SH3RF2: variants seen among roughly 807,000 people sequenced by gnomAD.
SH3RF2 encodes the protein SH3 domain containing ring finger 2.
SH3RF2 carries 43 observed loss-of-function variants against 59.0 expected under a neutral mutation model. The observed-to-expected ratio is 0.73, with a 90% CI of 0.57 to 0.94. The LOEUF is 0.94. SH3RF2 is among the 40% of genes least tolerant of loss of function. SH3RF2 has a pLI of 0.00. For synonymous variants in SH3RF2, 391 were observed against 391.5 expected (o/e 1.00, Z 0.01); for missense variants, 930 against 940.1 (o/e 0.99, Z 0.14).
At chr5:146,031,840 T>C (rs533556212) in intron 5 of SH3RF2, among the ~76,000 whole-genome samples, 1 of 152,250 alleles carries the variant, frequency 6.6e-6, no homozygotes, top group South Asian at 2.1e-4. Context: ...TAGCCTCCCA[T>C]ATATGGAAAA....
chr5:146,013,774 G>A lies in SH3RF2; in HGVS notation c.772G>A (p.Glu258Lys), dbSNP rs774393453. Residue 258 changes from glutamate (E) to lysine (K), a missense_variant, in exon 5 of 10, where the codon GAG becomes AAG. Physicochemically the swap from Glu to Lys is moderately conservative, Grantham distance 56 (BLOSUM62 1). Transcript: ENST00000359120. Reference protein sequence around the residue: ...EPNLTARHLLEKNKGRQSSRT... With the variant: ...EPNLTARHLLKKNKGRQSSRT... The stretch of plus-strand genomic sequence containing the variant: ...AAACCTCACCGCAAGACACCTTTTA[G>A]AGAAGAACAAAGGTCGCCAGTCATC... 89 of 1,613,918 alleles carry A rather than the reference G, an allele frequency of 5.5e-5. No homozygotes were observed. The highest frequency in any genetic ancestry group is 7.5e-5 in the Non-Finnish European group (88 of 1,179,996).
intron 2 of SH3RF2, among the ~76,000 whole-genome samples, chr5:145,942,759 A>T (rs114758707): frequency 0.012 from 1,794 of 152,314 alleles, 36 homozygotes; most frequent in African/African-American, 0.04. Flanking sequence ...CCAGCTTCAC[A>T]CACATTTACA....
chr5:146,002,416 A>G (rs1760453528), intron 3 of SH3RF2, among the ~76,000 whole-genome samples: 1 of 151,454 alleles, frequency 6.6e-6, no homozygotes, highest in African/African-American at 2.4e-5. Context: ...GCGCCATTGC[A>G]CTCCAGCCTG....
At chr5:145,959,792 G>A (rs1758561456) in intron 2 of SH3RF2, among the ~76,000 whole-genome samples, 1 of 152,052 alleles carries the variant, frequency 6.6e-6, no homozygotes, top group Non-Finnish European at 1.5e-5. Context: ...AAATGACTAA[G>A]TGTGACTTCC....
At chr5:146,003,589 AC>A (rs1760514171) in intron 3 of SH3RF2, among the ~76,000 whole-genome samples, 4 of 152,350 alleles carry the variant, frequency 2.6e-5, no homozygotes, top group Admixed American at 2.6e-4. Context: ...CTACAAATTT[AC>A]ATATAACCTT....
At chr5:146,025,500 G>A (rs1308527919) in intron 5 of SH3RF2, among the ~76,000 whole-genome samples, 1 of 152,214 alleles carries the variant, frequency 6.6e-6, no homozygotes, top group Non-Finnish European at 1.5e-5. Flanking sequence ...TGTTCAGCTT[G>A]GAGAAGAAAA....
chr5:146,054,761 A>G (rs541341502), intron 7 of SH3RF2, among the ~76,000 whole-genome samples: 3 of 152,260 alleles, frequency 2.0e-5, no homozygotes, highest in Non-Finnish European at 2.9e-5. Flanking sequence ...CAATCAAAAG[A>G]AGGAAAGACA....
intron 2 of SH3RF2, chr5:145,998,065 A>G: frequency 1.7e-6 from 1 of 576,616 alleles, no homozygotes; most frequent in Non-Finnish European, 3.1e-6. Context: ...ATGAAGTTGC[A>G]AATAATGATG....
intron 2 of SH3RF2, among the ~76,000 whole-genome samples, chr5:145,959,411 C>G (rs927377841): frequency 1.3e-5 from 2 of 152,018 alleles, no homozygotes; most frequent in African/African-American, 4.8e-5. Context: ...TATTTGATAG[C>G]TCATAGGCTG....
At chr5:146,061,317 C>T (rs186745673) in intron 9 of SH3RF2, among the ~76,000 whole-genome samples, 37 of 152,308 alleles carry the variant, frequency 2.4e-4, no homozygotes, top group Middle Eastern at 3.4e-3. Flanking sequence ...AAAACTCATG[C>T]TCTTACTGCT....
intron 4 of SH3RF2, among the ~76,000 whole-genome samples, chr5:146,007,062 T>A (rs942494092): frequency 6.6e-6 from 1 of 152,136 alleles, no homozygotes; most frequent in African/African-American, 2.4e-5. Context: ...AGCTGAGAAG[T>A]ATAAGGGAAC....
intron 5 of SH3RF2, among the ~76,000 whole-genome samples, chr5:146,029,572 A>C (rs895574174): frequency 6.6e-6 from 1 of 152,170 alleles, no homozygotes; most frequent in African/African-American, 2.4e-5. Flanking sequence ...CTCGGGGTAC[A>C]TCTGGATTTG....
intron 4 of SH3RF2, among the ~76,000 whole-genome samples, chr5:146,009,067 T>G (rs1202286553): frequency 6.6e-6 from 1 of 152,246 alleles, no homozygotes; most frequent in African/African-American, 2.4e-5. Flanking sequence ...TGTTGGCAAC[T>G]ATGCATAAAA....
chr5:146,000,268 A>T lies in SH3RF2; in HGVS notation c.589A>T (p.Asn197Tyr), dbSNP rs777576687. 1.2e-6 allele frequency: 2 copies of T among 1,613,714 alleles called. No individual in the cohort carries two copies. The highest frequency in any genetic ancestry group is 1.7e-6 in the Non-Finnish European group (2 of 1,179,898). The part of the protein sequence containing the change: ...QPPPLCRALY[N>Y]FDLRGKDKSE... ...GCCCCCGCTCTGCAGGGCCCTCTAC[A>T]ACTTCGACCTACGAGGCAAGGACAA... Residue 197 changes from asparagine (N) to tyrosine (Y), a missense_variant, in exon 3 of 10, where the codon AAC becomes TAC. By Grantham distance (143) the Asn-to-Tyr change is moderately radical. Transcript: ENST00000359120.
chr5:145,999,567 A>C (rs1276437270), intron 2 of SH3RF2, among the ~76,000 whole-genome samples: 1 of 152,096 alleles, frequency 6.6e-6, no homozygotes, highest in African/African-American at 2.4e-5. Flanking sequence ...ATTTGTAGGC[A>C]ATTGTAGGGT....
In SH3RF2 at chr5:146,049,173, G is replaced by A; in HGVS notation, c.1250G>A (p.Trp417Ter). ...VRVLGKCQDG[W>*]LRGVSLVTGR... Reference sequence around the variant, plus strand: ...GTCCTGGGGAAGTGCCAGGACGGCTGGCTCAGGGGCGTCTCCTTGGTCACC... The same window carrying A: ...GTCCTGGGGAAGTGCCAGGACGGCTAGCTCAGGGGCGTCTCCTTGGTCACC... Residue 417 changes from tryptophan to a stop codon, truncating the protein, a stop_gained, in exon 7 of 10, where the codon TGG becomes TAG. Transcript: ENST00000359120. LOFTEE classifies it high-confidence loss of function. 1.2e-6 allele frequency: 2 copies of A among 1,614,132 alleles called. No individual in the cohort carries two copies. Among genetic ancestry groups the A allele is most frequent in the Non-Finnish European group, 1.7e-6 (2 of 1,180,024 alleles).
At chr5:145,955,026 T>C (rs1020603922) in intron 2 of SH3RF2, among the ~76,000 whole-genome samples, 12 of 152,114 alleles carry the variant, frequency 7.9e-5, no homozygotes, top group East Asian at 7.7e-4. Context: ...TCATAAGAAA[T>C]CCACCCCCAT....
chr5:146,046,287 C>T (rs1409054079), intron 5 of SH3RF2, among the ~76,000 whole-genome samples: 1 of 152,148 alleles, frequency 6.6e-6, no homozygotes, highest in Non-Finnish European at 1.5e-5. Context: ...TGCCATCACA[C>T]ATGTACATTA....
Position 146,013,757 on chromosome 5 carries a change from C to T in SH3RF2, c.755C>T (p.Thr252Ile), listed in dbSNP as rs931131337. The change falls in exon 5 of 10, where the codon ACC becomes ATC. Residue 252 changes from threonine (T) to isoleucine (I), a missense_variant. By Grantham distance (89) the Thr-to-Ile change is moderately conservative. Coordinates refer to ENST00000359120, the MANE Select transcript of SH3RF2 (RefSeq NM_152550.4). Reference sequence around the variant, plus strand: ...CTTTTGTCTTTTCAGCCAAACCTCACCGCAAGACACCTTTTAGAGAAGAAC... The same window carrying T: ...CTTTTGTCTTTTCAGCCAAACCTCATCGCAAGACACCTTTTAGAGAAGAAC... ...FPILFVEPNL[T>I]ARHLLEKNKG... 4 of 1,613,972 alleles carry T rather than the reference C, an allele frequency of 2.5e-6. No individual in the cohort carries two copies. Among genetic ancestry groups the T allele is most frequent in the East Asian group, 2.2e-5 (1 of 44,858 alleles).
Sources: allele counts gnomAD v4.1 joint callset (sites outside exome capture counted in the v4.1 genomes callset), GRCh38; gene constraint gnomAD v4.1.1; transcripts MANE v1.5; gene names NCBI Gene and HGNC (gene_info 2026-07-23, HGNC 2026-07-21).